STAC: variants seen among roughly 807,000 people sequenced by gnomAD.
The protein encoded by STAC is SH3 and cysteine-rich domain-containing protein.
A neutral mutation model predicts 48.8 loss-of-function variants in STAC; 43 were observed. The observed-to-expected ratio is 0.88, with a 90% CI of 0.69 to 1.14. The LOEUF is 1.14. STAC is among the 50% of genes most tolerant of loss of function. The pLI, the probability that STAC is intolerant of heterozygous loss-of-function variation, is 0.00. For missense variants in STAC, 497 were observed against 504.0 expected (o/e 0.99, Z 0.13); for synonymous variants, 193 against 179.5 (o/e 1.07, Z -0.60).
chr3:36,506,983 G>A (rs1437251400), intron 8 of STAC, among the ~76,000 whole-genome samples: 1 of 152,138 alleles, frequency 6.6e-6, no homozygotes, highest in Non-Finnish European at 1.5e-5. Context: ...TGGTGAGAGA[G>A]GGCATCCTTG....
rs951077115 is a variant in STAC, at chr3:36,448,993, C to T, written c.388+5353C>T. On this transcript the variant is annotated intron_variant, in intron 2 of 10. Transcript: ENST00000273183. ...AGTTAGCCAGGCATAGTAGCACACA[C>T]CTGTAGTCTCAGCTATTCAGGAGGC... is the stretch of plus-strand genomic sequence containing the variant. Among the ~76,000 whole-genome samples, 25 of 151,648 alleles carry T rather than the reference C, an allele frequency of 1.6e-4. 1 individual carries two copies. Among genetic ancestry groups the T allele is most frequent in the Admixed American group, 1.1e-3 (17 of 15,226 alleles).
chr3:36,541,182 A>G (rs983625322), intron 10 of STAC, among the ~76,000 whole-genome samples: 8 of 141,670 alleles, frequency 5.6e-5, no homozygotes, highest in African/African-American at 2.4e-4. Context: ...AGGGGGGAAG[A>G]AAAAAAAAAC....
At chr3:36,530,291 C>T (rs1346447054) in intron 10 of STAC, among the ~76,000 whole-genome samples, 1 of 152,050 alleles carries the variant, frequency 6.6e-6, no homozygotes, top group African/African-American at 2.4e-5. Flanking sequence ...TGATAAGGCT[C>T]GCCCTACAAG....
At chr3:36,428,178 T>C (rs563250125) in intron 1 of STAC, among the ~76,000 whole-genome samples, 2 of 152,346 alleles carry the variant, frequency 1.3e-5, no homozygotes, top group African/African-American at 4.8e-5. Flanking sequence ...AGAGCTCTTC[T>C]TTGTAAAATT....
At chr3:36,398,687 AAG>A (rs1575175086) in intron 1 of STAC, among the ~76,000 whole-genome samples, 1 of 148,214 alleles carries the variant, frequency 6.7e-6, no homozygotes, top group Admixed American at 6.6e-5. Context: ...GAAAGAAAGA[AAG>A]AAAAGAAAGA....
At chr3:36,544,695 CA>C (rs1699405938) in intron 10 of STAC, among the ~76,000 whole-genome samples, 3 of 152,096 alleles carry the variant, frequency 2.0e-5, no homozygotes. Context: ...TGTTAACAAA[CA>C]TATGAAAAAA....
At chr3:36,524,789 T>C (rs953394948) in intron 8 of STAC, among the ~76,000 whole-genome samples, 1 of 151,582 alleles carries the variant, frequency 6.6e-6, no homozygotes, top group African/African-American at 2.4e-5. Flanking sequence ...ATGGGGGCAG[T>C]AAAAAATCCC....
intron 10 of STAC, among the ~76,000 whole-genome samples, chr3:36,530,126 G>C (rs1699029310): frequency 1.3e-5 from 2 of 152,046 alleles, no homozygotes; most frequent in South Asian, 4.2e-4. Flanking sequence ...TGGAGGATTT[G>C]GGGAATTAAA....
At chr3:36,486,292 G>A (rs756771408) in intron 5 of STAC, 43 bp downstream of exon 5, 3 of 1,559,340 alleles carry the variant, frequency 1.9e-6, no homozygotes, top group Non-Finnish European at 8.8e-7. Context: ...TGGTGGTCTT[G>A]GGCAGAGCGG....
intron 1 of STAC, among the ~76,000 whole-genome samples, chr3:36,413,188 G>C (rs56199134): frequency 0.026 from 3,976 of 152,290 alleles, 77 homozygotes; most frequent in Non-Finnish European, 0.036. Flanking sequence ...ATGTCTATTA[G>C]GTCCACTTGG....
In STAC at chr3:36,453,634, C is replaced by A. The variant is rs1696760212; in HGVS notation, c.388+9994C>A. Among the ~76,000 whole-genome samples the A allele has an allele frequency of 7.2e-5, 2 of 27,676 alleles. 1 individual carries two copies. Among genetic ancestry groups the A allele is most frequent in the South Asian group, 1.3e-3 (2 of 1,518 alleles). The allele number at this position is 27,676 out of a possible 152,430, so 18.2% of individuals were successfully genotyped here. ...CTGGAGCCTCCCTGACGAGCGCCGC[C>A]CCCTGCTCCACGGCGCCCAATCCCA... On this transcript the variant is annotated intron_variant, in intron 2 of 10. Transcript: ENST00000273183.
chr3:36,484,941 G>T, intron 3 of STAC, 36 bp from the exon 4 acceptor site: 1 of 1,530,044 alleles, frequency 6.5e-7, no homozygotes, highest in Non-Finnish European at 8.8e-7. Flanking sequence ...CATCTCCAGT[G>T]ACATTAACCC....
chr3:36,463,088 T>C (rs556761835), intron 2 of STAC, among the ~76,000 whole-genome samples: 51 of 152,314 alleles, frequency 3.3e-4, no homozygotes, highest in African/African-American at 1.2e-3. Context: ...TTAAAATTTT[T>C]ACACTTATAA....
chr3:36,521,558 G>C (rs1308215670), intron 8 of STAC, among the ~76,000 whole-genome samples: 2 of 152,114 alleles, frequency 1.3e-5, no homozygotes, highest in African/African-American at 4.8e-5. Context: ...AAGGGGAAGA[G>C]GGACAGTATG....
intron 1 of STAC, among the ~76,000 whole-genome samples, chr3:36,426,103 C>A (rs528878777): frequency 6.6e-6 from 1 of 152,278 alleles, no homozygotes; most frequent in East Asian, 1.9e-4. Flanking sequence ...TACTGGGTTG[C>A]TCTTTCATAG....
intron 2 of STAC, among the ~76,000 whole-genome samples, chr3:36,471,757 G>A (rs1697342924): frequency 6.6e-6 from 1 of 152,206 alleles, no homozygotes; most frequent in South Asian, 2.1e-4. Context: ...TGCAAGAGGT[G>A]GGTTCCCATG....
intron 1 of STAC, among the ~76,000 whole-genome samples, chr3:36,424,509 T>C (rs1009749888): frequency 6.6e-6 from 1 of 152,156 alleles, no homozygotes; most frequent in African/African-American, 2.4e-5. Flanking sequence ...GATCTGGAAT[T>C]TCAGAGCCCA....
intron 2 of STAC, among the ~76,000 whole-genome samples, chr3:36,473,473 T>C (rs1045785778): frequency 1.3e-5 from 2 of 152,146 alleles, no homozygotes; most frequent in African/African-American, 4.8e-5. Flanking sequence ...TACTTTTGCA[T>C]GGAGATGTAT....
intron 8 of STAC, among the ~76,000 whole-genome samples, chr3:36,519,939 C>T (rs1168781731): frequency 6.6e-6 from 1 of 152,198 alleles, no homozygotes; most frequent in Non-Finnish European, 1.5e-5. Context: ...GCAAAGTTCA[C>T]TTGCATTTCT....
Sources: allele counts gnomAD v4.1 joint callset (sites outside exome capture counted in the v4.1 genomes callset), GRCh38; gene constraint gnomAD v4.1.1; transcripts MANE v1.5; gene names NCBI Gene and HGNC (gene_info 2026-07-23, HGNC 2026-07-21).